The following FYCO1 variants were observed in gnomAD, a reference collection of about 807,000 sequenced individuals.
FYCO1 encodes the protein FYVE and coiled-coil domain-containing protein 1.
Under a neutral mutation model 165.1 loss-of-function variants are expected in FYCO1, and 122 were observed. That is an observed-to-expected ratio of 0.74 (90% CI 0.64 to 0.86). FYCO1 has a LOEUF of 0.86. FYCO1 is among the 40% of genes least tolerant of loss of function. FYCO1 has a pLI of 0.00. For missense variants in FYCO1, 1,702 were observed against 1,810.3 expected, an observed-to-expected ratio of 0.94 and a Z score of 1.09; for synonymous variants, 648 against 742.5, an observed-to-expected ratio of 0.87 and a Z score of 2.07.
Position 45,970,772 on chromosome 3 carries a change from T to A in FYCO1, c.540-1007A>T, listed in dbSNP as rs531499810. On this transcript the variant is annotated intron_variant, in intron 6 of 17. Transcript: ENST00000296137. ...CTCTACACTTACAGAACTCCATGTATAAACAGATACAAAATCTCAAAAACA... is the reference window on the plus strand; with the variant it reads ...CTCTACACTTACAGAACTCCATGTAAAAACAGATACAAAATCTCAAAAACA... Among the ~76,000 whole-genome samples, 4 of 152,166 alleles carry A rather than the reference T, an allele frequency of 2.6e-5. No individual in the cohort carries two copies. In the South Asian group the frequency reaches 8.3e-4, roughly 32 times the overall value.
chr3:45,964,915 G>T lies in FYCO1; in HGVS notation c.3150+118C>A. The T allele has an allele frequency of 1.2e-6, 1 of 824,946 alleles. No homozygotes were observed. The highest frequency in any genetic ancestry group is 2.1e-6 in the Non-Finnish European group (1 of 485,336). The allele number at this position is 824,946 out of a possible 1,614,324, so 51.1% of individuals were successfully genotyped here. ...TACAAACTAGGGTGTCTACAAAGGT[G>T]AACTGAGGACGGCTTCAGCTTGGGA... On this transcript the variant is annotated intron_variant, in intron 9 of 17. Coordinates refer to ENST00000296137, the MANE Select transcript of FYCO1 (RefSeq NM_024513.4). This position sits in a 1 kb window ranked among gnomAD's most constrained non-coding sequence, Gnocchi z 4.1.
intron 6 of FYCO1, among the ~76,000 whole-genome samples, chr3:45,970,580 C>CT (rs1288722680): frequency 2.0e-5 from 3 of 151,524 alleles, no homozygotes; most frequent in African/African-American, 4.8e-5. Flanking sequence ...GGTTGGCATT[C>CT]TTTTTTTTTG....
intron 1 of FYCO1, among the ~76,000 whole-genome samples, chr3:45,991,540 T>C (rs1707561665): frequency 6.6e-6 from 1 of 152,180 alleles, no homozygotes; most frequent in Non-Finnish European, 1.5e-5. Context: ...AGGGTTTGAA[T>C]GCTCTGCTCC....
chr3:45,972,071 G>A (rs570052102), intron 6 of FYCO1, among the ~76,000 whole-genome samples: 1 of 152,298 alleles, frequency 6.6e-6, no homozygotes, highest in South Asian at 2.1e-4. Flanking sequence ...TCGATAACTA[G>A]GGAATCAGGG....
chr3:45,975,879 T>A (rs182792369), intron 4 of FYCO1, among the ~76,000 whole-genome samples: 1 of 152,222 alleles, frequency 6.6e-6, no homozygotes, highest in East Asian at 1.9e-4. Flanking sequence ...GGCAGAAACA[T>A]GTGCAGAAGG....
At position 45,931,115 on chromosome 3, in the gene FYCO1, C is replaced by T. The variant is rs1165522896; in HGVS notation, c.4207G>A (p.Val1403Met). 5.0e-6 allele frequency: 8 copies of T among 1,613,848 alleles called. No individual in the cohort carries two copies. The highest frequency in any genetic ancestry group is 6.8e-6 in the Non-Finnish European group (8 of 1,179,898). The change falls in exon 16 of 18, where the codon GTG becomes ATG. Residue 1403 changes from valine (V) to methionine (M), a missense_variant. Val to Met is a conservative substitution (Grantham distance 21, BLOSUM62 1). Coordinates refer to ENST00000296137, the MANE Select transcript of FYCO1 (RefSeq NM_024513.4). Reference protein sequence around the residue: ...SSDPKSISFSVVFQEAEDTPL... With the variant: ...SSDPKSISFSMVFQEAEDTPL... ...GTGTCCTCGGCCTCCTGGAAGACCA[C>T]ACTGAAGGAGATGCTCTTGGGGTCA...
intron 1 of FYCO1, among the ~76,000 whole-genome samples, chr3:45,995,016 C>G (rs1378635070): frequency 1.3e-5 from 2 of 152,060 alleles, no homozygotes; most frequent in Non-Finnish European, 2.9e-5. Context: ...GCTTTTCTTA[C>G]AAAAAATAAA....
intron 14 of FYCO1, among the ~76,000 whole-genome samples, chr3:45,950,553 C>G (rs1403782875): frequency 6.6e-6 from 1 of 152,134 alleles, no homozygotes; most frequent in Non-Finnish European, 1.5e-5. Flanking sequence ...TCAGGGCAGT[C>G]ACTCTGGCCT....
At chr3:45,971,854 G>A (rs1459920090) in intron 6 of FYCO1, among the ~76,000 whole-genome samples, 1 of 152,154 alleles carries the variant, frequency 6.6e-6, no homozygotes, top group Non-Finnish European at 1.5e-5. Flanking sequence ...AATGAGATCT[G>A]TAAATTAGAT....
chr3:45,985,231 TG>T (rs1458390120), intron 1 of FYCO1, among the ~76,000 whole-genome samples: 1 of 152,196 alleles, frequency 6.6e-6, no homozygotes, highest in East Asian at 1.9e-4. Flanking sequence ...TGACCTGGTT[TG>T]GGGCTAAACA....
At chr3:45,933,647 G>T (rs1013744684) in intron 15 of FYCO1, among the ~76,000 whole-genome samples, 2 of 152,172 alleles carry the variant, frequency 1.3e-5, no homozygotes, top group Admixed American at 6.5e-5. Context: ...GGCAGGAGAA[G>T]GAAGGCGGAC....
At chr3:45,940,512 A>G (rs913441658) in intron 14 of FYCO1, among the ~76,000 whole-genome samples, 8 of 152,166 alleles carry the variant, frequency 5.3e-5, no homozygotes, top group African/African-American at 1.9e-4. Flanking sequence ...GCTCCTCCCA[A>G]GTGCTGGCAA....
intron 14 of FYCO1, chr3:45,941,171 G>T (rs977067121): frequency 2.0e-5 from 3 of 152,132 alleles, no homozygotes; most frequent in African/African-American, 7.2e-5. Context: ...AGTGCCCACT[G>T]CCACGCCTGG....
rs1575365526 is a variant in FYCO1, at chr3:45,964,109, A to G, written c.3269+227T>C. Among the ~76,000 whole-genome samples, 1 of 152,156 alleles carries G rather than the reference A, an allele frequency of 6.6e-6. No homozygotes were observed. The highest frequency in any genetic ancestry group is 1.5e-5 in the Non-Finnish European group (1 of 68,028). ...AAGTATGATATGCACTGCCAGAGAG[A>G]AGAAAATTGAGTTAGGAGAAAGGTG... is the stretch of plus-strand genomic sequence containing the variant. On this transcript the variant is annotated intron_variant, in intron 10 of 17. Transcript: ENST00000296137. The surrounding 1 kb of genome is among the most constrained non-coding windows in gnomAD (Gnocchi z 4.1).
intron 14 of FYCO1, among the ~76,000 whole-genome samples, chr3:45,938,554 C>T (rs1178100024): frequency 6.6e-6 from 1 of 152,238 alleles, no homozygotes; most frequent in Non-Finnish European, 1.5e-5. Context: ...AGTGCCATGG[C>T]ACGATCTTGG....
At chr3:45,947,830 G>T in intron 14 of FYCO1, 1 of 319,612 alleles carries the variant, frequency 3.1e-6, no homozygotes, top group Non-Finnish European at 6.1e-6. Context: ...GGGGCTGAAG[G>T]TTGAAGAGGT....
intron 4 of FYCO1, among the ~76,000 whole-genome samples, chr3:45,977,350 A>AATATAT (rs57543574): frequency 6.5e-4 from 73 of 112,670 alleles, no homozygotes; most frequent in African/African-American, 1.0e-3. Context: ...AACTGAATTA[A>AATATAT]ATATATATAT....
intron 4 of FYCO1, 70 bp downstream of exon 4, chr3:45,979,635 G>A: frequency 1.3e-6 from 2 of 1,585,666 alleles, no homozygotes; most frequent in Non-Finnish European, 1.7e-6. Flanking sequence ...CTGCAGCAAA[G>A]GTCTCTGCAA....
At chr3:45,989,987 C>T (rs1023182468) in intron 1 of FYCO1, among the ~76,000 whole-genome samples, 1 of 152,180 alleles carries the variant, frequency 6.6e-6, no homozygotes, top group South Asian at 2.1e-4. Flanking sequence ...GGAACAACTG[C>T]ATCAATAATT....
Sources: gnomAD v4.1 joint callset for allele counts (sites outside exome capture counted in the v4.1 genomes callset) on GRCh38, gnomAD v4.1.1 for gene constraint, Gnocchi (gnomAD v3.1) non-coding constraint, MANE v1.5 for transcripts, NCBI Gene and HGNC (gene_info 2026-07-23, HGNC 2026-07-21) for gene names.